Variants in SCAF8 observed in about 807,000 individuals in gnomAD.
The protein encoded by SCAF8 is SR-related and CTD-associated factor 8.
A neutral mutation model predicts 140.5 loss-of-function variants in SCAF8; 23 were observed. The observed-to-expected ratio is 0.16, with a 90% confidence interval of 0.12 to 0.23. The LOEUF (loss-of-function observed/expected upper bound fraction) is 0.23. Ranked by LOEUF, SCAF8 falls within the 10% of genes least tolerant of loss-of-function variation. SCAF8 has a pLI of 1.00. For missense variants in SCAF8, 1,397 were observed against 1,555.7 expected, an observed-to-expected ratio of 0.90 and a Z score of 1.72; for synonymous variants, 575 against 528.9, an observed-to-expected ratio of 1.09 and a Z score of -1.20.
rs756955074 is a variant in SCAF8 at position 154,783,041 on chromosome 6, T to A, written c.160-4820T>A. 2.0e-4 allele frequency among the ~76,000 whole-genome samples: 31 copies of A among 152,288 alleles called. 1 individual carries two copies. The highest frequency in any genetic ancestry group is 4.1e-4 in the Non-Finnish European group (28 of 68,026). Reference sequence around the variant, plus strand: ...ATATTTGCATTATAAATAACTAACTTACCTTAGTTATCCTGAATCCTAAAG... The same window carrying A: ...ATATTTGCATTATAAATAACTAACTAACCTTAGTTATCCTGAATCCTAAAG... On this transcript the variant is annotated intron_variant, in intron 3 of 19. Transcript: ENST00000367178.
At chr6:154,750,064 G>A (rs998673105) in intron 1 of SCAF8, among the ~76,000 whole-genome samples, 1 of 151,528 alleles carries the variant, frequency 6.6e-6, no homozygotes, top group South Asian at 2.1e-4. Flanking sequence ...CAGTCACTAA[G>A]ATGGGCAAAT....
intron 1 of SCAF8, among the ~76,000 whole-genome samples, chr6:154,759,970 T>C (rs970240360): frequency 6.6e-6 from 1 of 151,588 alleles, no homozygotes; most frequent in Admixed American, 6.6e-5. Flanking sequence ...TGCCTGGCCA[T>C]CATAATAATT....
In SCAF8 at chr6:154,827,233, A is replaced by T; in HGVS notation, c.2133A>T (p.Val711=). ...CACCCCCTACGATTCCACCAGTAGT[A>T]CCAACATGTAAGTTTTCTACTTTTA... The part of the protein sequence containing the change: ...VVPPPTIPPV[V]PTSLVQPSLS... Residue 711 remains valine (V), a synonymous_variant, in exon 18 of 20, where the codon GTA becomes GTT. Transcript: ENST00000367178. 6.3e-7 allele frequency: 1 copy of T among 1,599,096 alleles called. No individual in the cohort carries two copies. Among genetic ancestry groups the T allele is most frequent in the Non-Finnish European group, 8.5e-7 (1 of 1,173,148 alleles).
chr6:154,806,613 A>G (rs1257987160), intron 9 of SCAF8, among the ~76,000 whole-genome samples: 1 of 151,934 alleles, frequency 6.6e-6, no homozygotes, highest in African/African-American at 2.4e-5. Flanking sequence ...TGGAGGGGGG[A>G]ACAGTTATTT....
At chr6:154,782,997 T>C (rs1777129045) in intron 3 of SCAF8, among the ~76,000 whole-genome samples, 1 of 152,206 alleles carries the variant, frequency 6.6e-6, no homozygotes, top group South Asian at 2.1e-4. Flanking sequence ...ACACTCAGTA[T>C]TAACCATCAT....
intron 3 of SCAF8, among the ~76,000 whole-genome samples, chr6:154,787,497 T>C (rs993371173): frequency 1.2e-4 from 18 of 152,392 alleles, no homozygotes; most frequent in African/African-American, 3.8e-4. Context: ...GTCTGAGGCA[T>C]GTTGGCAGTG....
At chr6:154,782,102 G>A (rs979621160) in intron 3 of SCAF8, among the ~76,000 whole-genome samples, 9 of 152,172 alleles carry the variant, frequency 5.9e-5, no homozygotes, top group African/African-American at 2.2e-4. Flanking sequence ...CAGTTCATAT[G>A]CTGATTGTGT....
chr6:154,813,196 G>A (rs771570280), intron 12 of SCAF8, among the ~76,000 whole-genome samples: 4 of 152,060 alleles, frequency 2.6e-5, no homozygotes, highest in Non-Finnish European at 5.9e-5. Flanking sequence ...AACAGAGCAA[G>A]ACCCTATATC....
At chr6:154,784,111 GTGTCTTGAGATATATATATATATA>G (rs888101636) in intron 3 of SCAF8, among the ~76,000 whole-genome samples, 4 of 115,670 alleles carry the variant, frequency 3.5e-5, no homozygotes, top group African/African-American at 1.3e-4. Context: ...CTTATCTCTG[GTGTCTTGAGATATATATATATATA>G]TATATATATA....
intron 5 of SCAF8, among the ~76,000 whole-genome samples, chr6:154,793,901 T>G (rs959954091): frequency 2.7e-5 from 2 of 74,596 alleles, no homozygotes; most frequent in African/African-American, 9.3e-5. Context: ...TGTATGTATT[T>G]TGTGTGTGTG....
intron 3 of SCAF8, among the ~76,000 whole-genome samples, chr6:154,786,571 C>A (rs541535990): frequency 6.6e-6 from 1 of 152,270 alleles, no homozygotes; most frequent in African/African-American, 2.4e-5. Context: ...TGAGTCAAAC[C>A]GTAAACTAAA....
chr6:154,825,021 A>G (rs936556186), intron 17 of SCAF8: 1 of 152,156 alleles, frequency 6.6e-6, no homozygotes, highest in Non-Finnish European at 1.5e-5. Flanking sequence ...CAGTTTTTAT[A>G]TGAAAGTTCT....
chr6:154,785,141 C>T (rs752192125), intron 3 of SCAF8, among the ~76,000 whole-genome samples: 13 of 152,222 alleles, frequency 8.5e-5, no homozygotes, highest in Admixed American at 7.8e-4. Context: ...TACTCAACAT[C>T]ATGTGTCTAG....
intron 6 of SCAF8, among the ~76,000 whole-genome samples, chr6:154,795,495 C>T (rs182750526): frequency 0.011 from 1,633 of 152,136 alleles, 110 homozygotes; most frequent in Admixed American, 0.097. Flanking sequence ...ACAAAATTAT[C>T]GTAGGTAGTG....
At chr6:154,830,818 A>G (rs943554661) in intron 18 of SCAF8, 104 bp from the exon 19 acceptor site, 18 of 737,158 alleles carry the variant, frequency 2.4e-5, no homozygotes, top group Non-Finnish European at 3.9e-5. Context: ...TAATGTGCTT[A>G]GTAATACAGA....
In SCAF8 at chr6:154,733,647, G is replaced by A; in HGVS notation, c.-254G>A. The A allele has an allele frequency of 1.4e-6, 1 of 722,212 alleles. No homozygotes were observed. The highest frequency in any genetic ancestry group is 1.7e-6 in the Non-Finnish European group (1 of 575,304). 44.7% of individuals were successfully genotyped at this position (722,212 alleles called of 1,614,324 possible). A position where few individuals can be genotyped will look rare whatever the true frequency, so the allele number is the denominator to read the frequency against. ...CCCCTCCCCCGCCCGCCGCCGACCCGCCCCGGCAGCGCCTCTGTTCCCTAG... is the reference window on the plus strand; with the variant it reads ...CCCCTCCCCCGCCCGCCGCCGACCCACCCCGGCAGCGCCTCTGTTCCCTAG... On this transcript the variant is annotated 5_prime_UTR_variant, in exon 1 of 20. Coordinates refer to ENST00000367178, the MANE Select transcript of SCAF8 (RefSeq NM_014892.5).
intron 1 of SCAF8, among the ~76,000 whole-genome samples, chr6:154,764,552 C>T (rs1045709695): frequency 6.6e-6 from 1 of 151,996 alleles, no homozygotes; most frequent in Non-Finnish European, 1.5e-5. Flanking sequence ...CACCAGTAGC[C>T]CTAGAAAAGG....
Position 154,813,022 on chromosome 6 carries a change from G to C in SCAF8, c.1421-2694G>C, listed in dbSNP as rs550760872. On this transcript the variant is annotated intron_variant, in intron 12 of 19. Transcript: ENST00000367178. ...AAGACCAGCCTGAGCAACAAAGTGAGATGCCATCACTACCGCCAAAAAAAA... is the reference window on the plus strand; with the variant it reads ...AAGACCAGCCTGAGCAACAAAGTGACATGCCATCACTACCGCCAAAAAAAA... Among the ~76,000 whole-genome samples the C allele has an allele frequency of 6.1e-4, 89 of 144,870 alleles. No individual in the cohort carries two copies. In the Middle Eastern group the frequency reaches 0.011, roughly 17 times the overall value.
intron 12 of SCAF8, among the ~76,000 whole-genome samples, chr6:154,813,979 A>G (rs1174256159): frequency 6.6e-6 from 1 of 152,254 alleles, no homozygotes; most frequent in East Asian, 1.9e-4. Flanking sequence ...GTAGATCTTC[A>G]GAACTATAAG....
Sources: gnomAD v4.1 joint callset for allele counts (sites outside exome capture counted in the v4.1 genomes callset) on GRCh38, gnomAD v4.1.1 for gene constraint, MANE v1.5 for transcripts, NCBI Gene and HGNC (gene_info 2026-07-23, HGNC 2026-07-21) for gene names.